The following LNPK variants were observed in gnomAD, a reference collection of about 807,000 sequenced individuals.
The protein encoded by LNPK is endoplasmic reticulum junction formation protein lunapark.
In LNPK, 29 loss-of-function variants were observed where a neutral mutation model predicts 55.2. That is an observed-to-expected ratio of 0.53 (90% confidence interval 0.39 to 0.72). LNPK has a LOEUF of 0.72. Ranked by LOEUF, LNPK falls within the 30% of genes least tolerant of loss-of-function variation. LNPK has a pLI of 0.00. For synonymous variants in LNPK, 162 were observed against 168.2 expected, an observed-to-expected ratio of 0.96 and a Z score of 0.29; for missense variants, 467 against 494.8, an observed-to-expected ratio of 0.94 and a Z score of 0.53.
intron 5 of LNPK, among the ~76,000 whole-genome samples, chr2:175,977,996 C>T (rs1161325285): frequency 6.6e-6 from 1 of 152,002 alleles, no homozygotes; most frequent in Admixed American, 6.5e-5. Context: ...GCATAAATGG[C>T]GGTTAGCCAT....
chr2:175,995,413 A>T, intron 2 of LNPK, 145 bp downstream of exon 2: 1 of 539,560 alleles, frequency 1.9e-6, no homozygotes, highest in Non-Finnish European at 3.2e-6. Context: ...AAAAAAATAG[A>T]AAAGTAATTC....
intron 9 of LNPK, among the ~76,000 whole-genome samples, chr2:175,942,347 C>T (rs533617182): frequency 6.6e-6 from 1 of 152,180 alleles, no homozygotes; most frequent in South Asian, 2.1e-4. Context: ...TTCCAGTATC[C>T]ACTGGGGGAT....
chr2:175,925,084 T>C lies in LNPK; in HGVS notation c.*4883A>G, dbSNP rs959360747. On this transcript the variant is annotated 3_prime_UTR_variant, in exon 13 of 13. Coordinates refer to ENST00000272748, the MANE Select transcript of LNPK (RefSeq NM_030650.3). ...AGCACCATTTCTAAGTCATTTAGGATTTTCGGAAACTCAGCATACTATATT... is the reference window on the plus strand; with the variant it reads ...AGCACCATTTCTAAGTCATTTAGGACTTTCGGAAACTCAGCATACTATATT... The C allele has an allele frequency of 2.0e-5, 3 of 152,094 alleles. No homozygotes were observed. Among genetic ancestry groups the C allele is most frequent in the Non-Finnish European group, 4.4e-5 (3 of 68,014 alleles). 9.4% of individuals were successfully genotyped at this position (152,094 alleles called of 1,614,324 possible).
rs1299607720 is a variant in LNPK, at chr2:175,928,127, T to TATAC, written c.*1836_*1839dup. The TATAC allele has an allele frequency of 6.6e-6, 1 of 152,198 alleles. No homozygotes were observed. Among genetic ancestry groups the TATAC allele is most frequent in the Non-Finnish European group, 1.5e-5 (1 of 68,042 alleles). 9.4% of individuals were successfully genotyped at this position (152,198 alleles called of 1,614,324 possible). A position where few individuals can be genotyped will look rare whatever the true frequency, so the allele number is the denominator to read the frequency against. The stretch of plus-strand genomic sequence containing the variant: ...CCTATTTCCTTAATCTATGTATTTA[T>TATAC]ATACATACATACAATATAGAAAAGT... On this transcript the variant is annotated 3_prime_UTR_variant, in exon 13 of 13. Coordinates refer to ENST00000272748, the MANE Select transcript of LNPK (RefSeq NM_030650.3).
intron 9 of LNPK, chr2:175,940,909 G>A: frequency 2.2e-6 from 1 of 446,860 alleles, no homozygotes; most frequent in Non-Finnish European, 4.5e-6. Context: ...TTTAGACACT[G>A]CACACAAAAA....
At chr2:175,993,092 C>T (rs1687775710) in intron 3 of LNPK, 90 bp downstream of exon 3, 1 of 747,970 alleles carries the variant, frequency 1.3e-6, no homozygotes, top group Non-Finnish European at 2.1e-6. Flanking sequence ...AATTCCCATA[C>T]CAGATTTGGT....
chr2:175,994,190 A>G (rs145428633), intron 2 of LNPK: 52 of 982,134 alleles, frequency 5.3e-5, no homozygotes, highest in East Asian at 1.1e-4. Context: ...TGTAGTTTCC[A>G]TAAGAGTTGT....
chr2:175,927,369 C>T lies in LNPK; in HGVS notation c.*2598G>A, dbSNP rs1335109226. 6.6e-6 allele frequency: 1 copy of T among 152,124 alleles called. No homozygotes were observed. Among genetic ancestry groups the T allele is most frequent in the East Asian group, 1.9e-4 (1 of 5,198 alleles). 9.4% of individuals were successfully genotyped at this position (152,124 alleles called of 1,614,324 possible). The stretch of plus-strand genomic sequence containing the variant: ...GACATTATGTTGTGAAGACAGTAAA[C>T]TAGCAAACAAATCAAATACACATTG... On this transcript the variant is annotated 3_prime_UTR_variant, in exon 13 of 13. Transcript: ENST00000272748.
At chr2:175,940,086 T>A (rs1022401538) in intron 9 of LNPK, among the ~76,000 whole-genome samples, 4 of 151,940 alleles carry the variant, frequency 2.6e-5, no homozygotes, top group Non-Finnish European at 5.9e-5. Context: ...GCAAAACATA[T>A]GAAGTAACAG....
intron 4 of LNPK, among the ~76,000 whole-genome samples, chr2:175,981,970 GATTT>G (rs1210447265): frequency 6.6e-6 from 1 of 152,084 alleles, no homozygotes; most frequent in Non-Finnish European, 1.5e-5. Flanking sequence ...ATATTGTGAT[GATTT>G]ATTTTTGTGA....
chr2:175,952,394 G>A (rs1228792709), intron 8 of LNPK, among the ~76,000 whole-genome samples: 2 of 151,516 alleles, frequency 1.3e-5, no homozygotes, highest in African/African-American at 4.8e-5. Context: ...CTATAGTTAG[G>A]GCACAGGGAT....
At chr2:175,988,333 C>G (rs1687524088) in intron 4 of LNPK, among the ~76,000 whole-genome samples, 2 of 150,690 alleles carry the variant, frequency 1.3e-5, no homozygotes, top group African/African-American at 2.4e-5. Flanking sequence ...GACACCCCAT[C>G]TCTACTAAAA....
At chr2:175,952,601 G>A (rs548824246) in intron 8 of LNPK, among the ~76,000 whole-genome samples, 16 of 151,188 alleles carry the variant, frequency 1.1e-4, no homozygotes, top group South Asian at 4.2e-4. Flanking sequence ...ACCCTATTTC[G>A]CTATTCAAAT....
intron 12 of LNPK, among the ~76,000 whole-genome samples, chr2:175,933,523 A>G (rs1305429711): frequency 5.9e-5 from 9 of 152,170 alleles, no homozygotes. Flanking sequence ...TAAACAAGGC[A>G]CTTTTTACGA....
At chr2:175,943,405 A>G (rs1684957030) in intron 9 of LNPK, among the ~76,000 whole-genome samples, 1 of 152,034 alleles carries the variant, frequency 6.6e-6, no homozygotes, top group African/African-American at 2.4e-5. Context: ...TGAAACCGAC[A>G]TAACTCTGAT....
intron 12 of LNPK, among the ~76,000 whole-genome samples, chr2:175,933,253 T>C (rs1684367287): frequency 6.6e-6 from 1 of 152,030 alleles, no homozygotes; most frequent in Non-Finnish European, 1.5e-5. Flanking sequence ...CATAAAACAG[T>C]GTAATTATAT....
At chr2:175,994,964 C>T (rs958969161) in intron 2 of LNPK, among the ~76,000 whole-genome samples, 4 of 141,432 alleles carry the variant, frequency 2.8e-5, no homozygotes, top group Admixed American at 2.3e-4. Context: ...CTCCGTCACC[C>T]AGGCTGGAGT....
rs1683944560 is a variant in LNPK at position 175,924,966 on chromosome 2, A to G, written c.*5001T>C. On this transcript the variant is annotated 3_prime_UTR_variant, in exon 13 of 13. Transcript: ENST00000272748. ...ATTACTGCAAGGACAACGCCAAGAC[A>G]TTCATGAGGGATCCGCTCCATGCTC... 1 of 152,184 alleles carries G rather than the reference A, an allele frequency of 6.6e-6. No individual in the cohort carries two copies. The highest frequency in any genetic ancestry group is 1.5e-5 in the Non-Finnish European group (1 of 68,044). 9.4% of individuals were successfully genotyped at this position (152,184 alleles called of 1,614,324 possible). A position where few individuals can be genotyped will look rare whatever the true frequency, so the allele number is the denominator to read the frequency against.
chr2:175,990,315 C>G (rs1325929088), intron 4 of LNPK, among the ~76,000 whole-genome samples: 1 of 152,250 alleles, frequency 6.6e-6, no homozygotes, highest in Non-Finnish European at 1.5e-5. Flanking sequence ...GAAACTGGCA[C>G]CTCCCCTATC....
Sources: allele counts gnomAD v4.1 joint callset (sites outside exome capture counted in the v4.1 genomes callset), GRCh38; gene constraint gnomAD v4.1.1; transcripts MANE v1.5; gene names NCBI Gene and HGNC (gene_info 2026-07-23, HGNC 2026-07-21).